The following ACYP2 variants were observed in gnomAD, a reference collection of about 807,000 sequenced individuals.
ACYP2 encodes the protein acylphosphatase 2.
A neutral mutation model predicts 11.2 loss-of-function variants in ACYP2; 12 were observed. The ratio of observed to expected loss-of-function variants is 1.08; its 90% CI spans 0.69 to 1.74. The LOEUF (loss-of-function observed/expected upper bound fraction) is 1.74, where lower values mean the gene tolerates loss of function less well. Among genes scored for constraint, ACYP2 ranks in the 40% most tolerant of loss-of-function variants. ACYP2 has a pLI of 0.00. For synonymous variants in ACYP2, 43 were observed against 32.2 expected (o/e 1.33, Z -1.13); for missense variants, 134 against 101.9 (o/e 1.31, Z -1.35).
intron 6 of ACYP2, among the ~76,000 whole-genome samples, chr2:54,293,359 C>G (rs1389356156): frequency 1.3e-5 from 2 of 152,244 alleles, no homozygotes; most frequent in Non-Finnish European, 2.9e-5. Flanking sequence ...CATCCCCTCA[C>G]TTGTTCTGCC....
intron 6 of ACYP2, among the ~76,000 whole-genome samples, chr2:54,186,876 A>G (rs1039386085): frequency 6.6e-6 from 1 of 152,154 alleles, no homozygotes; most frequent in Non-Finnish European, 1.5e-5. Flanking sequence ...TAGTAGTTAA[A>G]TAAATTACAA....
At chr2:54,230,904 C>T (rs1686209578) in intron 6 of ACYP2, among the ~76,000 whole-genome samples, 3 of 148,394 alleles carry the variant, frequency 2.0e-5, no homozygotes, top group African/African-American at 7.5e-5. Flanking sequence ...AATCTCGGCT[C>T]ACTGCAACCT....
At chr2:54,174,734 AG>A (rs1404066277) in intron 6 of ACYP2, among the ~76,000 whole-genome samples, 1 of 152,180 alleles carries the variant, frequency 6.6e-6, no homozygotes, top group African/African-American at 2.4e-5. Context: ...TTTAGCATGA[AG>A]GGCTGTTGAA....
chr2:54,174,757 G>T (rs1390438403), intron 6 of ACYP2, among the ~76,000 whole-genome samples: 2 of 152,102 alleles, frequency 1.3e-5, no homozygotes, highest in African/African-American at 4.8e-5. Context: ...TTTGTCAAAG[G>T]CCTTTTCTGC....
At chr2:54,065,673 G>T (rs895196802) in intron 4 of ACYP2, 3 of 395,012 alleles carry the variant, frequency 7.6e-6, no homozygotes, top group Admixed American at 8.8e-5. Context: ...CATGGGCTTT[G>T]CTCCTTACAC....
intron 6 of ACYP2, among the ~76,000 whole-genome samples, chr2:54,248,403 T>C (rs1687059866): frequency 1.3e-5 from 2 of 152,206 alleles, no homozygotes; most frequent in African/African-American, 4.8e-5. Context: ...GAAGGGCATC[T>C]TTGATTTACT....
At chr2:54,160,988 G>A (rs1200034848) in intron 6 of ACYP2, among the ~76,000 whole-genome samples, 4 of 152,134 alleles carry the variant, frequency 2.6e-5, no homozygotes, top group Non-Finnish European at 5.9e-5. Flanking sequence ...CTCAAAGTAG[G>A]ACCTTGGATC....
At chr2:54,040,401 G>A (rs1675160747) in intron 2 of ACYP2, among the ~76,000 whole-genome samples, 1 of 152,090 alleles carries the variant, frequency 6.6e-6, no homozygotes, top group Admixed American at 6.6e-5. Flanking sequence ...ATGTGAATCT[G>A]GGGTATAGGG....
intron 2 of ACYP2, among the ~76,000 whole-genome samples, chr2:54,030,427 T>G (rs1182317036): frequency 6.6e-6 from 1 of 152,210 alleles, no homozygotes; most frequent in Non-Finnish European, 1.5e-5. Flanking sequence ...CTAGCTTTGA[T>G]GTCTGGGCAC....
chr2:54,245,917 TA>T (rs1280413231), intron 6 of ACYP2, among the ~76,000 whole-genome samples: 3 of 152,164 alleles, frequency 2.0e-5, no homozygotes. Context: ...GTCTTATTCA[TA>T]AAATCTTGCC....
At chr2:54,287,619 A>G (rs1056481120) in intron 6 of ACYP2, among the ~76,000 whole-genome samples, 2 of 151,972 alleles carry the variant, frequency 1.3e-5, no homozygotes, top group Non-Finnish European at 2.9e-5. Flanking sequence ...ACACACACAT[A>G]AAATGTCTGG....
At chr2:54,260,958 A>G (rs537039514) in intron 6 of ACYP2, among the ~76,000 whole-genome samples, 1 of 149,988 alleles carries the variant, frequency 6.7e-6, no homozygotes, top group South Asian at 2.1e-4. Context: ...AACCATTGAC[A>G]GGAGACTCAA....
Position 54,063,437 on chromosome 2 carries a change from C to G in ACYP2, c.277+6077C>G, listed in dbSNP as rs189812777. Among the ~76,000 whole-genome samples, 313 of 152,278 alleles carry G rather than the reference C, an allele frequency of 2.1e-3. 2 individuals are homozygous for G. The highest frequency in any genetic ancestry group is 7.1e-3 in the African/African-American group (297 of 41,550). ...ATCTTTCTCGACCCTGCTGTGTGCT[C>G]CAGGAGGCGGCCTCTGTGGTCTGCA... On this transcript the variant is annotated intron_variant, in intron 4 of 6. Transcript: ENST00000607452.
At chr2:54,005,767 C>G (rs553008069) in intron 2 of ACYP2, among the ~76,000 whole-genome samples, 1 of 152,332 alleles carries the variant, frequency 6.6e-6, no homozygotes, top group Non-Finnish European at 1.5e-5. Context: ...TGTCAGTCCT[C>G]TGACCTTGTC....
At chr2:54,102,174 G>A (rs922393271) in intron 4 of ACYP2, among the ~76,000 whole-genome samples, 3 of 152,136 alleles carry the variant, frequency 2.0e-5, no homozygotes, top group Admixed American at 2.0e-4. Context: ...CCAGCAGTGC[G>A]TGAGAGTCTG....
At chr2:54,211,064 A>T (rs1301287363) in intron 6 of ACYP2, among the ~76,000 whole-genome samples, 5 of 152,072 alleles carry the variant, frequency 3.3e-5, no homozygotes, top group African/African-American at 1.2e-4. Context: ...TGTAAACTCA[A>T]TTGTACATAC....
At chr2:53,994,351 A>C (rs1378991176) in intron 2 of ACYP2, among the ~76,000 whole-genome samples, 2 of 147,360 alleles carry the variant, frequency 1.4e-5, no homozygotes, top group Non-Finnish European at 3.0e-5. Context: ...AAAAAAAAAA[A>C]ACGAAAAAAA....
chr2:54,207,300 A>T (rs1685118633), intron 6 of ACYP2, among the ~76,000 whole-genome samples: 1 of 151,582 alleles, frequency 6.6e-6, no homozygotes, highest in Non-Finnish European at 1.5e-5. Flanking sequence ...TTCAAGTAAG[A>T]GTTGATATTG....
At chr2:53,973,687 A>G (rs1467154193) in intron 1 of ACYP2, 8 of 255,398 alleles carry the variant, frequency 3.1e-5, no homozygotes, top group Non-Finnish European at 5.9e-5. Context: ...GGTAATCCCA[A>G]CACCCTTTGC....
Sources: gnomAD v4.1 joint callset for allele counts (sites outside exome capture counted in the v4.1 genomes callset) on GRCh38, gnomAD v4.1.1 for gene constraint, MANE v1.5 for transcripts, NCBI Gene and HGNC (gene_info 2026-07-23, HGNC 2026-07-21) for gene names.